Variants in SYNJ2 observed in about 807,000 individuals in gnomAD.
The protein encoded by SYNJ2 is polyphosphatidylinositol phosphatase SYNJ2.
Under a neutral mutation model 141.3 loss-of-function variants are expected in SYNJ2, and 116 were observed. The ratio of observed to expected loss-of-function variants is 0.82; its 90% confidence interval spans 0.71 to 0.96. SYNJ2 has a LOEUF of 0.96. Ranked by LOEUF, SYNJ2 falls within the 40% of genes least tolerant of loss-of-function variation. The pLI is 0.00. For synonymous variants in SYNJ2, 745 were observed against 777.7 expected (o/e 0.96, Z 0.70); for missense variants, 1,873 against 1,934.8 (o/e 0.97, Z 0.60).
intron 5 of SYNJ2, among the ~76,000 whole-genome samples, chr6:158,047,721 G>A (rs1265612773): frequency 8.2e-6 from 1 of 122,638 alleles, no homozygotes; most frequent in Admixed American, 1.1e-4. Context: ...AGTTTGCAGT[G>A]AGCCAAGATT....
intron 1 of SYNJ2, among the ~76,000 whole-genome samples, chr6:157,983,161 G>A (rs1777075985): frequency 6.6e-6 from 1 of 152,234 alleles, no homozygotes; most frequent in African/African-American, 2.4e-5. Flanking sequence ...ACATTTGTAT[G>A]CATCGACTCC....
In SYNJ2 at chr6:158,027,106, C is replaced by G. The variant is rs1029830943; in HGVS notation, c.215-1650C>G. ...CCTGAGCGCTCATTAAAGGAACGCA[C>G]TTTAATGACAGCCACACGCCACCCT... is the stretch of plus-strand genomic sequence containing the variant. On this transcript the variant is annotated intron_variant, in intron 2 of 26. Transcript: ENST00000355585. This position sits in a 1 kb window ranked among gnomAD's most constrained non-coding sequence, Gnocchi z 4.6. 3.3e-5 allele frequency: 33 copies of G among 985,270 alleles called. No individual in the cohort carries two copies. Among genetic ancestry groups the G allele is most frequent in the South Asian group, 4.7e-5 (1 of 21,296 alleles). 61.0% of individuals were successfully genotyped at this position (985,270 alleles called of 1,614,324 possible).
chr6:158,094,731 C>A (rs1427778365), intron 26 of SYNJ2, among the ~76,000 whole-genome samples: 1 of 152,226 alleles, frequency 6.6e-6, no homozygotes, highest in Non-Finnish European at 1.5e-5. Context: ...TTTAACTAGT[C>A]TACTGATCAC....
intron 26 of SYNJ2, chr6:158,093,883 TG>T: frequency 1.3e-6 from 1 of 764,954 alleles, no homozygotes. Context: ...CCACTTTTCT[TG>T]CAGATTGTTT....
chr6:158,049,889 C>T (rs1403609799), intron 5 of SYNJ2, among the ~76,000 whole-genome samples: 1 of 150,868 alleles, frequency 6.6e-6, no homozygotes, highest in Non-Finnish European at 1.5e-5. Flanking sequence ...TGCAGGTATG[C>T]CTGCGGCTCT....
rs1358281208 is a variant in SYNJ2 at position 157,981,932 on chromosome 6, CG to C, written c.-28del. 13 of 1,223,968 alleles carry C rather than the reference CG, an allele frequency of 1.1e-5. No individual in the cohort carries two copies. The Admixed American group carries it at 2.6e-4, about 24-fold the overall frequency. The allele number at this position is 1,223,968 out of a possible 1,614,324, so 75.8% of individuals were successfully genotyped here. A position where few individuals can be genotyped will look rare whatever the true frequency, so the allele number is the denominator to read the frequency against. ...GCGCGCCCTCGGGAGGACGTGGCCC[CG>C]GCCCCCGCCCGCAGTGGGCCCGACC... On this transcript the variant is annotated 5_prime_UTR_variant, in exon 1 of 27. Coordinates refer to ENST00000355585, the MANE Select transcript of SYNJ2 (RefSeq NM_003898.4). This position sits in a 1 kb window ranked among gnomAD's most constrained non-coding sequence, Gnocchi z 6.4.
At chr6:157,987,320 A>G (rs1777243861) in intron 1 of SYNJ2, among the ~76,000 whole-genome samples, 1 of 152,166 alleles carries the variant, frequency 6.6e-6, no homozygotes, top group South Asian at 2.1e-4. Flanking sequence ...TATGGGGTAC[A>G]AAGTGATCAT....
intron 2 of SYNJ2, among the ~76,000 whole-genome samples, chr6:158,026,586 T>G (rs1779060701): frequency 6.6e-6 from 1 of 152,094 alleles, no homozygotes; most frequent in Non-Finnish European, 1.5e-5. Flanking sequence ...GCTGCTACAG[T>G]GCTCCTCTCC....
chr6:158,073,441 G>C (rs967483737), intron 15 of SYNJ2, among the ~76,000 whole-genome samples: 2 of 152,092 alleles, frequency 1.3e-5, no homozygotes, highest in Admixed American at 1.3e-4. Context: ...CAAGTGATCC[G>C]CCTGCCTCAG....
At chr6:158,037,574 T>C (rs1237704178) in intron 4 of SYNJ2, among the ~76,000 whole-genome samples, 1 of 151,906 alleles carries the variant, frequency 6.6e-6, no homozygotes, top group Non-Finnish European at 1.5e-5. Context: ...GCTAATTTTT[T>C]GTATTTTTAG....
At chr6:158,031,292 G>A (rs1418885013) in intron 3 of SYNJ2, among the ~76,000 whole-genome samples, 1 of 152,180 alleles carries the variant, frequency 6.6e-6, no homozygotes, top group Non-Finnish European at 1.5e-5. Flanking sequence ...GGGATCCTTG[G>A]GGTATCTGAA....
At position 158,076,763 on chromosome 6, in the gene SYNJ2, A is replaced by G. The variant is rs1439666330; in HGVS notation, c.2430A>G (p.Lys810=). 1 of 1,612,674 alleles carries G rather than the reference A, an allele frequency of 6.2e-7. No individual in the cohort carries two copies. Among genetic ancestry groups the G allele is most frequent in the Admixed American group, 1.7e-5 (1 of 59,670 alleles). ...ACAGGGTGCTGTGGTGGAGGAAGAA[A>G]CATCCCTTTGATAAAACAGGTGAGG... is the stretch of plus-strand genomic sequence containing the variant. ...WTDRVLWWRK[K]HPFDKTAGEL... The change falls in exon 17 of 27, where the codon AAA becomes AAG. Residue 810 remains lysine (K), a synonymous_variant. Transcript: ENST00000355585.
chr6:158,024,684 G>T (rs977627403), intron 2 of SYNJ2, among the ~76,000 whole-genome samples: 2 of 152,184 alleles, frequency 1.3e-5, no homozygotes, highest in African/African-American at 4.8e-5. Context: ...AGGAACACAC[G>T]GCTGCAGGGG....
chr6:158,045,800 G>A (rs575728912), intron 5 of SYNJ2, among the ~76,000 whole-genome samples: 3 of 152,238 alleles, frequency 2.0e-5, no homozygotes, highest in South Asian at 2.1e-4. Context: ...AGCCTGACCC[G>A]CCATGGGATG....
intron 12 of SYNJ2, 96 bp downstream of exon 12, chr6:158,066,731 A>C: frequency 1.4e-6 from 2 of 1,411,426 alleles, no homozygotes; most frequent in Non-Finnish European, 1.9e-6. Context: ...GTGGAATTTC[A>C]TCTTTGGTGT....
rs1781898628 is a variant in SYNJ2 at position 158,071,201 on chromosome 6, T to A, written c.1941-401T>A. On this transcript the variant is annotated intron_variant, in intron 14 of 26. Transcript: ENST00000355585. The surrounding 1 kb of genome is among the most constrained non-coding windows in gnomAD (Gnocchi z 4.3). ...CTGTCTCAAAATAACAATAATAATT[T>A]AAAAATGTGTTGATTGCCCAGATGA... 6.6e-6 allele frequency among the ~76,000 whole-genome samples: 1 copy of A among 151,980 alleles called. No individual in the cohort carries two copies. Among genetic ancestry groups the A allele is most frequent in the Admixed American group, 6.6e-5 (1 of 15,254 alleles).
At chr6:158,026,037 G>T (rs113554671) in intron 2 of SYNJ2, among the ~76,000 whole-genome samples, 4 of 151,856 alleles carry the variant, frequency 2.6e-5, no homozygotes, top group African/African-American at 4.8e-5. Context: ...AAACTAATCC[G>T]ATTGGAAACT....
intron 4 of SYNJ2, among the ~76,000 whole-genome samples, chr6:158,038,787 T>TC (rs1435772552): frequency 6.6e-6 from 1 of 152,180 alleles, no homozygotes; most frequent in African/African-American, 2.4e-5. Flanking sequence ...AGGTGGTACT[T>TC]CCGATAGGTG....
intron 1 of SYNJ2, among the ~76,000 whole-genome samples, chr6:158,001,948 T>C (rs904395045): frequency 6.6e-6 from 1 of 152,194 alleles, no homozygotes; most frequent in Admixed American, 6.5e-5. Flanking sequence ...TTTTCCCATG[T>C]GACGAGGTTG....
Sources: allele counts gnomAD v4.1 joint callset (sites outside exome capture counted in the v4.1 genomes callset), GRCh38; gene constraint gnomAD v4.1.1; non-coding constraint Gnocchi (gnomAD v3.1); transcripts MANE v1.5; gene names NCBI Gene and HGNC (gene_info 2026-07-23, HGNC 2026-07-21).